Variants in RAB44 observed in about 807,000 individuals in gnomAD.
The protein encoded by RAB44 is ras-related protein Rab-44.
Under a neutral mutation model 93.3 loss-of-function variants are expected in RAB44, and 67 were observed. That is an observed-to-expected ratio of 0.72 (90% confidence interval 0.59 to 0.88). The LOEUF (loss-of-function observed/expected upper bound fraction) is 0.88. RAB44 is among the 40% of genes least tolerant of loss of function. RAB44 has a pLI of 0.00. For synonymous variants in RAB44, 427 were observed against 520.3 expected (o/e 0.82, Z 2.44); for missense variants, 1,064 against 1,261.7 (o/e 0.84, Z 2.37).
intron 9 of RAB44, among the ~76,000 whole-genome samples, chr6:36,723,217 C>A (rs977610780): frequency 3.3e-5 from 5 of 152,210 alleles, no homozygotes; most frequent in Non-Finnish European, 7.3e-5. Context: ...CAAATCTTAG[C>A]CCTGCCACTT....
Position 36,717,354 on chromosome 6 carries a change from C to G in RAB44, c.576C>G (p.Ala192=). 8.1e-7 allele frequency: 1 copy of G among 1,232,176 alleles called. No individual in the cohort carries two copies. Among genetic ancestry groups the G allele is most frequent in the Non-Finnish European group, 1.0e-6 (1 of 988,004 alleles). The allele number at this position is 1,232,176 out of a possible 1,614,324, so 76.3% of individuals were successfully genotyped here. The change falls in exon 5 of 14, where the codon GCC becomes GCG. Residue 192 remains alanine (A), a synonymous_variant. Coordinates refer to ENST00000612677, the MANE Select transcript of RAB44 (RefSeq NM_001257357.2). The surrounding 1 kb of genome is among the most constrained non-coding windows in gnomAD (Gnocchi z 4.1). ...CAGGCAACCTGGCAGGCTTTCTGGC[C>G]AAGATGACCAGCCGCCTGCAGGAGG... ...QLAGNLAGFL[A]KMTSRLQEAQ...
intron 4 of RAB44, among the ~76,000 whole-genome samples, chr6:36,716,295 C>T (rs1434564015): frequency 6.6e-6 from 1 of 151,844 alleles, no homozygotes; most frequent in Non-Finnish European, 1.5e-5. Context: ...CATGATGAAA[C>T]CCCATCTCTA....
At chr6:36,705,779 G>A (rs901537343) in intron 2 of RAB44, among the ~76,000 whole-genome samples, 1 of 152,150 alleles carries the variant, frequency 6.6e-6, no homozygotes, top group African/African-American at 2.4e-5. Flanking sequence ...GGAGCAACAA[G>A]GATGTAATTA....
intron 1 of RAB44, among the ~76,000 whole-genome samples, chr6:36,701,583 A>C (rs567624598): frequency 6.6e-6 from 1 of 152,138 alleles, no homozygotes; most frequent in Admixed American, 6.5e-5. Flanking sequence ...CTGCTAAGCT[A>C]TGTCACCTCC....
intron 2 of RAB44, among the ~76,000 whole-genome samples, chr6:36,710,544 C>T (rs566255113): frequency 1.4e-5 from 2 of 144,320 alleles, no homozygotes; most frequent in South Asian, 4.3e-4. Context: ...TTCTTTTGTA[C>T]AACTTTTTTT....
At chr6:36,711,897 C>T (rs1762797174) in intron 2 of RAB44, among the ~76,000 whole-genome samples, 3 of 136,182 alleles carry the variant, frequency 2.2e-5, no homozygotes, top group South Asian at 2.3e-4. Flanking sequence ...AGTAAGACTC[C>T]ATCTCAAAAA....
rs539660893 is a variant in RAB44, at chr6:36,732,358, T to C, written c.*265T>C. On this transcript the variant is annotated 3_prime_UTR_variant, in exon 14 of 14. Coordinates refer to ENST00000612677, the MANE Select transcript of RAB44 (RefSeq NM_001257357.2). ...ACAAAGAAAGTCTAGAAAAACGACT[T>C]AAGGAAAATACACCAAAATATTGGC... is the stretch of plus-strand genomic sequence containing the variant. 6 of 235,862 alleles carry C rather than the reference T, an allele frequency of 2.5e-5. No individual in the cohort carries two copies. The East Asian group carries it at 3.4e-4, about 13-fold the overall frequency. 14.6% of individuals were successfully genotyped at this position (235,862 alleles called of 1,614,324 possible). A position where few individuals can be genotyped will look rare whatever the true frequency, so the allele number is the denominator to read the frequency against.
At chr6:36,709,819 A>G (rs1762738034) in intron 2 of RAB44, among the ~76,000 whole-genome samples, 1 of 152,170 alleles carries the variant, frequency 6.6e-6, no homozygotes, top group South Asian at 2.1e-4. Context: ...GGCCTCCCAA[A>G]GTGCTGGGAT....
chr6:36,712,331 CAAAG>C (rs1762808451), intron 2 of RAB44, among the ~76,000 whole-genome samples: 1 of 152,132 alleles, frequency 6.6e-6, no homozygotes, highest in African/African-American at 2.4e-5. Flanking sequence ...ATCCAGATCT[CAAAG>C]AGCTGTTCTC....
rs193194822 is a variant in RAB44 at position 36,722,178 on chromosome 6, G to C, written c.2044G>C (p.Glu682Gln). The change falls in exon 9 of 14, where the codon GAG (glutamate) becomes CAG (glutamine). Residue 682 changes from glutamate (E) to glutamine (Q), a missense_variant. Coordinates refer to ENST00000612677, the MANE Select transcript of RAB44 (RefSeq NM_001257357.2). Reference protein sequence around the residue: ...EEPRSEEGKQEGRGGQDLSSE... With the variant: ...EEPRSEEGKQQGRGGQDLSSE... ...ACCCAGGTCTGAGGAAGGAAAACAA[G>C]AGGGCAGAGGTGGGCAGGACCTCAG... 7.0e-5 allele frequency: 87 copies of C among 1,237,590 alleles called. No individual in the cohort carries two copies. The East Asian group carries it at 2.7e-3, about 39-fold the overall frequency. 76.7% of individuals were successfully genotyped at this position (1,237,590 alleles called of 1,614,324 possible).
chr6:36,710,296 C>G (rs1034452571), intron 2 of RAB44, among the ~76,000 whole-genome samples: 20 of 152,186 alleles, frequency 1.3e-4, no homozygotes, highest in Non-Finnish European at 2.9e-4. Flanking sequence ...TGGAATCATA[C>G]AGTATTTGTC....
intron 10 of RAB44, among the ~76,000 whole-genome samples, chr6:36,727,150 T>G (rs1433917314): frequency 1.3e-5 from 2 of 152,138 alleles, no homozygotes; most frequent in East Asian, 1.9e-4. Flanking sequence ...AAAAACAAAA[T>G]GCAGAACACT....
Position 36,719,882 on chromosome 6 carries a change from C to T in RAB44, c.829-481C>T, listed in dbSNP as rs527715550. 2.8e-4 allele frequency among the ~76,000 whole-genome samples: 43 copies of T among 152,264 alleles called. 1 individual carries two copies. The South Asian group carries it at 7.5e-3, about 26-fold the overall frequency. On this transcript the variant is annotated intron_variant, in intron 7 of 13. Transcript: ENST00000612677. ...CAGCCATAGGAAAGGAGGTGAGGGTCATGAGGGGAGGTGAGGAGGCTGCAG... is the reference window on the plus strand; with the variant it reads ...CAGCCATAGGAAAGGAGGTGAGGGTTATGAGGGGAGGTGAGGAGGCTGCAG...
chr6:36,722,751 G>C lies in RAB44; in HGVS notation c.2599+18G>C. The C allele has an allele frequency of 6.4e-7, 1 of 1,550,406 alleles. No homozygotes were observed. On this transcript the variant is annotated intron_variant, in intron 9 of 13. Coordinates refer to ENST00000612677, the MANE Select transcript of RAB44 (RefSeq NM_001257357.2). ...TACCGTGGGTAAGGGCATTGGGGAG[G>C]GCGGCAGGGAGCAAGGAGAGACGCA...
intron 12 of RAB44, among the ~76,000 whole-genome samples, chr6:36,729,093 T>C (rs1763303006): frequency 6.6e-6 from 1 of 152,244 alleles, no homozygotes; most frequent in South Asian, 2.1e-4. Flanking sequence ...TGTCCCCACC[T>C]ACATAAGAAA....
chr6:36,720,483 C>T lies in RAB44; in HGVS notation c.949C>T (p.Gln317Ter). 5.7e-6 allele frequency: 7 copies of T among 1,233,320 alleles called. No individual in the cohort carries two copies. The highest frequency in any genetic ancestry group is 7.1e-6 in the Non-Finnish European group (7 of 988,388). The allele number at this position is 1,233,320 out of a possible 1,614,324, so 76.4% of individuals were successfully genotyped here. A position where few individuals can be genotyped will look rare whatever the true frequency, so the allele number is the denominator to read the frequency against. ...GCTGGAGGAGGTGCGGGGGCAGCTG[C>T]AGGTGACCAGGGGGCGCCTGGACGC... ...GRLEEVRGQL[Q>*]VTRGRLDAAR... Residue 317 changes from glutamine to a stop codon, truncating the protein, a stop_gained, in exon 8 of 14, where the codon CAG becomes TAG. Transcript: ENST00000612677. LOFTEE classifies it high-confidence loss of function.
chr6:36,726,301 A>G (rs762679077), intron 10 of RAB44, among the ~76,000 whole-genome samples: 2 of 152,160 alleles, frequency 1.3e-5, no homozygotes, highest in Non-Finnish European at 2.9e-5. Context: ...GCTGGAGTAC[A>G]GTGGCGTGAT....
intron 8 of RAB44, 79 bp downstream of exon 8, chr6:36,720,629 G>A: frequency 9.2e-7 from 1 of 1,089,320 alleles, no homozygotes; most frequent in African/African-American, 1.6e-5. Context: ...GTTCTCTAAG[G>A]ATCTAGCTAG....
chr6:36,725,957 T>C lies in RAB44; in HGVS notation c.2681+14T>C. The stretch of plus-strand genomic sequence containing the variant: ...TGGCCAAGAGAGGTAACAGGCACTG[T>C]ATATCAGTGTGTCAGGAACCTAGGC... On this transcript the variant is annotated intron_variant, in intron 10 of 13. Coordinates refer to ENST00000612677, the MANE Select transcript of RAB44 (RefSeq NM_001257357.2). 3 of 1,544,928 alleles carry C rather than the reference T, an allele frequency of 1.9e-6. No homozygotes were observed. The highest frequency in any genetic ancestry group is 2.6e-6 in the Non-Finnish European group (3 of 1,141,850).
Sources: gnomAD v4.1 joint callset for allele counts (sites outside exome capture counted in the v4.1 genomes callset) on GRCh38, gnomAD v4.1.1 for gene constraint, Gnocchi (gnomAD v3.1) non-coding constraint, MANE v1.5 for transcripts, NCBI Gene and HGNC (gene_info 2026-07-23, HGNC 2026-07-21) for gene names.